Variants in NR3C2 observed in about 807,000 individuals in gnomAD.
NR3C2 encodes mineralocorticoid receptor.
In NR3C2, 15 loss-of-function variants were observed where a neutral mutation model predicts 86.4. The ratio of observed to expected loss-of-function variants is 0.17; its 90% confidence interval spans 0.12 to 0.27. The LOEUF is 0.27. Among genes scored for constraint, NR3C2 ranks in the 10% least tolerant of loss-of-function variants. The pLI, the probability that NR3C2 is intolerant of heterozygous loss-of-function variation, is 1.00. For missense variants in NR3C2, 960 were observed against 1,195.6 expected, an observed-to-expected ratio of 0.80 and a Z score of 2.91; for synonymous variants, 458 against 450.5, an observed-to-expected ratio of 1.02 and a Z score of -0.21.
At chr4:148,098,028 C>A (rs1731370797) in intron 8 of NR3C2, among the ~76,000 whole-genome samples, 1 of 152,082 alleles carries the variant, frequency 6.6e-6, no homozygotes, top group African/African-American at 2.4e-5. Flanking sequence ...TCCGCCCACT[C>A]CCAAGCCCTT....
At chr4:148,423,171 T>C (rs934463843) in intron 2 of NR3C2, among the ~76,000 whole-genome samples, 1 of 152,128 alleles carries the variant, frequency 6.6e-6, no homozygotes, top group Non-Finnish European at 1.5e-5. Context: ...CAATCCTTAT[T>C]TTCTCCTTCG....
intron 6 of NR3C2, 195 bp downstream of exon 6, chr4:148,152,272 TAC>T: frequency 1.8e-6 from 1 of 556,044 alleles, no homozygotes; most frequent in East Asian, 3.2e-5. Context: ...CTGATTTATA[TAC>T]ACTCAGAAGC....
At chr4:148,150,163 G>A (rs959125022) in intron 6 of NR3C2, among the ~76,000 whole-genome samples, 2 of 152,134 alleles carry the variant, frequency 1.3e-5, no homozygotes, top group African/African-American at 4.8e-5. Context: ...ACGGATGATT[G>A]GATAAAATAT....
intron 4 of NR3C2, among the ~76,000 whole-genome samples, chr4:148,165,820 T>C (rs1197893941): frequency 6.6e-6 from 1 of 152,210 alleles, no homozygotes; most frequent in Non-Finnish European, 1.5e-5. Flanking sequence ...ACTCTATTAT[T>C]AAGAACATTT....
chr4:148,278,287 A>G (rs1394842215), intron 2 of NR3C2, among the ~76,000 whole-genome samples: 2 of 151,962 alleles, frequency 1.3e-5, no homozygotes, highest in African/African-American at 4.8e-5. Flanking sequence ...TTTAGTAGAG[A>G]TGGGGTTTTG....
At chr4:148,238,223 G>A (rs1738841058) in intron 3 of NR3C2, among the ~76,000 whole-genome samples, 1 of 152,114 alleles carries the variant, frequency 6.6e-6, no homozygotes, top group Non-Finnish European at 1.5e-5. Flanking sequence ...TATGGTATTT[G>A]TTTCCCAAAG....
At chr4:148,232,364 A>G (rs1738509640) in intron 3 of NR3C2, among the ~76,000 whole-genome samples, 1 of 152,224 alleles carries the variant, frequency 6.6e-6, no homozygotes. Context: ...TTCCCTGTAC[A>G]TCTGCATTAG....
intron 3 of NR3C2, among the ~76,000 whole-genome samples, chr4:148,230,768 G>A (rs1476878985): frequency 6.6e-6 from 1 of 152,166 alleles, no homozygotes; most frequent in East Asian, 1.9e-4. Flanking sequence ...ATAAGAGTAA[G>A]CGGAAGTTCA....
At chr4:148,409,731 T>G (rs1748600756) in intron 2 of NR3C2, among the ~76,000 whole-genome samples, 1 of 152,242 alleles carries the variant, frequency 6.6e-6, no homozygotes, top group East Asian at 1.9e-4. Flanking sequence ...ATGCAAAATA[T>G]TTTTTGCCTA....
chr4:148,335,597 G>A (rs1370709228), intron 2 of NR3C2, among the ~76,000 whole-genome samples: 3 of 152,042 alleles, frequency 2.0e-5, no homozygotes, highest in Non-Finnish European at 4.4e-5. Flanking sequence ...TTTATTTAAA[G>A]TAATATTAGA....
At chr4:148,442,570 C>G (rs1381354961), upstream of NR3C2, 1 of 879,980 alleles carries the variant, frequency 1.1e-6, no homozygotes, top group Non-Finnish European at 1.4e-6. Context: ...TCCCGCCCCC[C>G]TGAACCCTTC....
intron 3 of NR3C2, among the ~76,000 whole-genome samples, chr4:148,225,216 G>T (rs1328228835): frequency 6.6e-6 from 1 of 152,078 alleles, no homozygotes; most frequent in Non-Finnish European, 1.5e-5. Flanking sequence ...AGAGAATCCT[G>T]TTACCAAATC....
At chr4:148,112,794 T>G (rs756656322) in intron 8 of NR3C2, among the ~76,000 whole-genome samples, 7 of 152,208 alleles carry the variant, frequency 4.6e-5, no homozygotes, top group Non-Finnish European at 1.0e-4. Flanking sequence ...CACAGAGAGA[T>G]AACATTCCGC....
intron 2 of NR3C2, among the ~76,000 whole-genome samples, chr4:148,401,461 CT>C (rs397881130): frequency 0.084 from 9,752 of 116,750 alleles, 385 homozygotes; most frequent in African/African-American, 0.19. Context: ...AAAGTTGTCT[CT>C]TTTTTTTTTT....
In NR3C2 at chr4:148,080,871, T is replaced by TATTA. The variant is rs1176012370; in HGVS notation, c.*472_*473insTAAT. On this transcript the variant is annotated 3_prime_UTR_variant, in exon 9 of 9. Coordinates refer to ENST00000358102, the MANE Select transcript of NR3C2 (RefSeq NM_000901.5). ...ACAACAGGAATCTGTATATATTTTT[T>TATTA]TATTATTTTTTTGTGTTTTTTTAAT... 1 of 367,512 alleles carries TATTA rather than the reference T, an allele frequency of 2.7e-6. No individual in the cohort carries two copies. The highest frequency in any genetic ancestry group is 5.5e-6 in the Non-Finnish European group (1 of 180,632). The allele number at this position is 367,512 out of a possible 1,614,324, so 22.8% of individuals were successfully genotyped here.
chr4:148,338,629 C>G (rs1462428634), intron 2 of NR3C2, among the ~76,000 whole-genome samples: 1 of 152,062 alleles, frequency 6.6e-6, no homozygotes, highest in African/African-American at 2.4e-5. Context: ...TGAATGGCAA[C>G]AAACCCTTGG....
At chr4:148,362,136 G>T (rs530241453) in intron 2 of NR3C2, among the ~76,000 whole-genome samples, 122 of 152,304 alleles carry the variant, frequency 8.0e-4, no homozygotes, top group Non-Finnish European at 1.4e-3. Context: ...ACCACACCCA[G>T]CCCCTAAAAT....
intron 4 of NR3C2, among the ~76,000 whole-genome samples, chr4:148,184,200 C>T (rs2149793539): frequency 6.6e-6 from 1 of 151,908 alleles, no homozygotes; most frequent in Admixed American, 6.6e-5. Flanking sequence ...CCTGTAATCC[C>T]AGCACTTTGG....
intron 2 of NR3C2, among the ~76,000 whole-genome samples, chr4:148,320,710 A>T (rs942596252): frequency 1.3e-5 from 2 of 151,832 alleles, no homozygotes; most frequent in Non-Finnish European, 2.9e-5. Context: ...TTTCTGTGAG[A>T]TTGGTGGTGA....
Sources: gnomAD v4.1 joint callset for allele counts (sites outside exome capture counted in the v4.1 genomes callset) on GRCh38, gnomAD v4.1.1 for gene constraint, MANE v1.5 for transcripts, NCBI Gene and HGNC (gene_info 2026-07-23, HGNC 2026-07-21) for gene names.